Variants in ZFX observed in about 807,000 individuals in gnomAD.
ZFX encodes the protein zinc finger X-chromosomal protein.
For missense variants in ZFX, 362 were observed against 628.3 expected (o/e 0.58, Z 4.53); for synonymous variants, 196 against 226.8 (o/e 0.86, Z 1.22).
chrX:24,155,254 C>T (rs1028315428), intron 3 of ZFX, among the ~76,000 whole-genome samples: 1 of 111,911 alleles, frequency 8.9e-6, no homozygotes, highest in Admixed American at 9.5e-5. Flanking sequence ...TCTATAGATA[C>T]GACCCACGTA....
At chrX:24,164,588 C>G (rs897287374) in intron 3 of ZFX, among the ~76,000 whole-genome samples, 4 of 111,423 alleles carry the variant, frequency 3.6e-5, no homozygotes, top group African/African-American at 9.8e-5. Flanking sequence ...CGTTGGTGAT[C>G]AGTGACAAGG....
At chrX:24,178,189 C>A (rs1028729620) in intron 4 of ZFX, among the ~76,000 whole-genome samples, 3 of 111,515 alleles carry the variant, frequency 2.7e-5, no homozygotes, top group African/African-American at 9.8e-5. Flanking sequence ...CTTGGCCTCC[C>A]AAAGTGCTGG....
At chrX:24,164,779 T>C (rs932972440) in intron 3 of ZFX, among the ~76,000 whole-genome samples, 1 of 109,008 alleles carries the variant, frequency 9.2e-6, no homozygotes, top group African/African-American at 3.3e-5. Context: ...TAGTAAAAAA[T>C]ACAAAAAATT....
chrX:24,173,594 T>C, intron 4 of ZFX: 1 of 1,146,696 alleles, frequency 8.7e-7, no homozygotes, highest in East Asian at 3.3e-5. Flanking sequence ...GTTTTGGGTT[T>C]TTTTGTTTTC....
intron 5 of ZFX, among the ~76,000 whole-genome samples, chrX:24,206,653 C>T (rs1382798803): frequency 1.9e-5 from 2 of 107,578 alleles, no homozygotes; most frequent in African/African-American, 6.8e-5. Context: ...TCCCAAAGTG[C>T]TGGGATTACA....
intron 3 of ZFX, among the ~76,000 whole-genome samples, chrX:24,159,154 C>T (rs1487338807): frequency 9.0e-6 from 1 of 110,895 alleles, no homozygotes; most frequent in Non-Finnish European, 1.9e-5. Flanking sequence ...CCATGCTGGC[C>T]TGATTTTTTA....
chrX:24,210,452 T>C lies in ZFX; in HGVS notation c.1494T>C (p.Ser498=), dbSNP rs1937994928. Residue 498 remains serine (S), a synonymous_variant, in exon 10 of 10, where the codon TCT becomes TCC. Coordinates refer to ENST00000304543, the MANE Select transcript of ZFX (RefSeq NM_003410.4). The part of the protein sequence containing the change: ...IECDECGKHF[S]HAGALFTHKM... The stretch of plus-strand genomic sequence containing the variant: ...GCGATGAGTGTGGGAAGCATTTCTC[T>C]CATGCAGGGGCTTTGTTTACTCACA... 1.7e-6 allele frequency: 2 copies of C among 1,210,287 alleles called. No homozygotes were observed. The highest frequency in any genetic ancestry group is 4.4e-5 in the Admixed American group (2 of 45,758).
intron 5 of ZFX, among the ~76,000 whole-genome samples, chrX:24,184,575 T>A (rs1251000545): frequency 9.0e-6 from 1 of 110,811 alleles, no homozygotes; most frequent in Non-Finnish European, 1.9e-5. Flanking sequence ...ATACAAGACA[T>A]GTAAAATTTT....
At chrX:24,169,655 T>C (rs1258602327) in intron 3 of ZFX, among the ~76,000 whole-genome samples, 4 of 108,882 alleles carry the variant, frequency 3.7e-5, no homozygotes, top group Non-Finnish European at 7.6e-5. Context: ...AATCTGACTG[T>C]GAGCAGAGAA....
intron 5 of ZFX, among the ~76,000 whole-genome samples, chrX:24,200,132 G>T (rs1937196028): frequency 9.0e-6 from 1 of 110,868 alleles, no homozygotes; most frequent in African/African-American, 3.3e-5. Context: ...CTTAGTTGCT[G>T]GTAGGTGGAT....
In ZFX at chrX:24,208,267, G is replaced by A. The variant is rs1937754987; in HGVS notation, c.990G>A (p.Glu330=). The A allele has an allele frequency of 8.3e-7, 1 of 1,211,767 alleles. No homozygotes were observed. The highest frequency in any genetic ancestry group is 1.1e-6 in the Non-Finnish European group (1 of 895,485). Residue 330 remains glutamate (E), a synonymous_variant, in exon 8 of 10, where the codon GAG becomes GAA. Transcript: ENST00000304543. The stretch of plus-strand genomic sequence containing the variant: ...TTTATATGGAAGTGATCGTAGGAGA[G>A]GAGGATGCTGCAGCAGCAGCGGCAG... ...DEVYMEVIVG[E]EDAAAAAAAA...
At chrX:24,155,659 C>T (rs1266668062) in intron 3 of ZFX, among the ~76,000 whole-genome samples, 2 of 112,316 alleles carry the variant, frequency 1.8e-5, no homozygotes, top group Admixed American at 1.9e-4. Flanking sequence ...TGTTTGATCC[C>T]GTTTCTCCAA....
chrX:24,185,625 A>G, intron 5 of ZFX, among the ~76,000 whole-genome samples: 1 of 111,042 alleles, frequency 9.0e-6, no homozygotes, highest in Non-Finnish European at 1.9e-5. Flanking sequence ...TAATTTTTGT[A>G]TTTTTAGTAG....
intron 4 of ZFX, among the ~76,000 whole-genome samples, chrX:24,176,122 C>T (rs1181190505): frequency 9.3e-6 from 1 of 107,698 alleles, no homozygotes; most frequent in Non-Finnish European, 1.9e-5. Flanking sequence ...TCACCACAAC[C>T]TCTGCCTCCC....
chrX:24,210,430 A>G lies in ZFX; in HGVS notation c.1472A>G (p.Asp491Gly), dbSNP rs1356045776. The G allele has an allele frequency of 8.2e-7, 1 of 1,212,213 alleles. No homozygotes were observed. Among genetic ancestry groups the G allele is most frequent in the East Asian group, 3.0e-5 (1 of 33,875 alleles). Residue 491 changes from aspartate to glycine, a missense_variant, in exon 10 of 10, where the codon GAT becomes GGT. Asp to Gly is a moderately conservative substitution (Grantham distance 94). Coordinates refer to ENST00000304543, the MANE Select transcript of ZFX (RefSeq NM_003410.4). ...TSKAEKAIEC[D>G]ECGKHFSHAG... is the part of the protein sequence containing the mutation. ...AAGGCAGAGAAGGCCATTGAATGCG[A>G]TGAGTGTGGGAAGCATTTCTCTCAT...
At chrX:24,150,514 C>T (rs942281300) in intron 1 of ZFX, 2 of 113,170 alleles carry the variant, frequency 1.8e-5, no homozygotes, top group Non-Finnish European at 3.8e-5. Flanking sequence ...AGCCCCGTGA[C>T]TGGCTGCAGT....
At chrX:24,180,060 C>T (rs755682031) in intron 5 of ZFX, among the ~76,000 whole-genome samples, 68 of 109,224 alleles carry the variant, frequency 6.2e-4, no homozygotes, top group Non-Finnish European at 1.1e-3. Flanking sequence ...GGTGAAACCC[C>T]GTCTCTACTA....
rs756950599 is a variant in ZFX, at chrX:24,211,846, A to C, written c.*470A>C. On this transcript the variant is annotated 3_prime_UTR_variant, in exon 10 of 10. Transcript: ENST00000304543. The stretch of plus-strand genomic sequence containing the variant: ...AATGGGAGATTTTACAGTCAGGTCT[A>C]ATTATCATAACATGGAAGTCATTTA... The C allele has an allele frequency of 8.6e-6, 1 of 115,890 alleles. No individual in the cohort carries two copies. Among genetic ancestry groups the C allele is most frequent in the Non-Finnish European group, 1.8e-5 (1 of 55,627 alleles). The allele number at this position is 115,890 out of a possible 1,213,427, so 9.6% of individuals were successfully genotyped here. A position where few individuals can be genotyped will look rare whatever the true frequency, so the allele number is the denominator to read the frequency against.
intron 4 of ZFX, chrX:24,173,784 G>T: frequency 2.3e-6 from 1 of 426,012 alleles, no homozygotes; most frequent in Non-Finnish European, 4.0e-6. Context: ...GGGTAGTGAC[G>T]GGGTTTTGCC....
Sources: gnomAD v4.1 joint callset for allele counts (sites outside exome capture counted in the v4.1 genomes callset) on GRCh38, gnomAD v4.1.1 for gene constraint, MANE v1.5 for transcripts, NCBI Gene and HGNC (gene_info 2026-07-23, HGNC 2026-07-21) for gene names.